SNX29: variants seen among roughly 807,000 people sequenced by gnomAD.
The protein encoded by SNX29 is sorting nexin 29.
In SNX29, 78 loss-of-function variants were observed where a neutral mutation model predicts 102.1. That is an observed-to-expected ratio of 0.76 (90% CI 0.64 to 0.92). SNX29 has a LOEUF of 0.92. Ranked by LOEUF, SNX29 falls within the 40% of genes least tolerant of loss-of-function variation. The probability of loss-of-function intolerance (pLI) is 0.00; values close to 1 mark genes in which losing one functional copy is unlikely to be tolerated. For missense variants in SNX29, 1,280 were observed against 1,061.7 expected (o/e 1.21, Z -2.86); for synonymous variants, 580 against 414.5 (o/e 1.40, Z -4.85).
chr16:12,125,254 G>A (rs974540135), intron 11 of SNX29, among the ~76,000 whole-genome samples: 1 of 152,078 alleles, frequency 6.6e-6, no homozygotes, highest in Non-Finnish European at 1.5e-5. Flanking sequence ...GCCAGCTCTC[G>A]GTCCCTTTCT....
intron 11 of SNX29, among the ~76,000 whole-genome samples, chr16:12,084,428 C>T (rs1273368618): frequency 6.6e-6 from 1 of 152,186 alleles, no homozygotes; most frequent in Non-Finnish European, 1.5e-5. Context: ...AATTATTTAG[C>T]AAAGCAGTAA....
intron 19 of SNX29, among the ~76,000 whole-genome samples, chr16:12,519,250 T>C (rs1227306530): frequency 6.6e-6 from 1 of 152,194 alleles, no homozygotes; most frequent in Non-Finnish European, 1.5e-5. Flanking sequence ...CGTGAACAGC[T>C]TGTGGTGAAA....
At chr16:12,074,487 T>C (rs2051449662) in intron 10 of SNX29, among the ~76,000 whole-genome samples, 1 of 152,222 alleles carries the variant, frequency 6.6e-6, no homozygotes, top group Non-Finnish European at 1.5e-5. Flanking sequence ...ATGTTGAATA[T>C]TGGCCCCCAC....
intron 19 of SNX29, among the ~76,000 whole-genome samples, chr16:12,480,278 T>C (rs1442277856): frequency 6.6e-6 from 1 of 152,216 alleles, no homozygotes; most frequent in East Asian, 1.9e-4. Context: ...CTCTTCCTTC[T>C]GGAGCCCCAG....
intron 19 of SNX29, among the ~76,000 whole-genome samples, chr16:12,482,692 C>T (rs563023150): frequency 4.3e-4 from 65 of 152,304 alleles, no homozygotes; most frequent in African/African-American, 1.5e-3. Context: ...AGACATTATT[C>T]AAGGAAATAG....
At chr16:12,357,591 T>C (rs895664333) in intron 16 of SNX29, among the ~76,000 whole-genome samples, 4 of 152,186 alleles carry the variant, frequency 2.6e-5, no homozygotes, top group African/African-American at 9.7e-5. Context: ...TACAGTTGAG[T>C]GGCATTAAGT....
In SNX29 at chr16:12,049,577, C is replaced by T. The variant is rs538009088; in HGVS notation, c.748+957C>T. On this transcript the variant is annotated intron_variant, in intron 7 of 20. Coordinates refer to ENST00000566228, the MANE Select transcript of SNX29 (RefSeq NM_032167.5). Reference sequence around the variant, plus strand: ...TGAACTCCTGACCTCAGGTGATCTGCCCGCCCTGGCCTCTCAAAGTGCTAG... The same window carrying T: ...TGAACTCCTGACCTCAGGTGATCTGTCCGCCCTGGCCTCTCAAAGTGCTAG... 5.9e-5 allele frequency among the ~76,000 whole-genome samples: 9 copies of T among 152,236 alleles called. No individual in the cohort carries two copies. The South Asian group carries it at 1.7e-3, about 28-fold the overall frequency.
At chr16:12,403,202 ATGTGTGTGTGTGTGTGTGTGTG>A (rs67193889) in intron 17 of SNX29, among the ~76,000 whole-genome samples, 38 of 70,946 alleles carry the variant, frequency 5.4e-4, no homozygotes, top group South Asian at 7.5e-4. Context: ...TTGTGTGTGT[ATGTGTGTGTGTGTGTGTGTGTG>A]TGTGTGTGTG....
At chr16:12,110,126 GC>G (rs2053443653) in intron 11 of SNX29, among the ~76,000 whole-genome samples, 1 of 152,210 alleles carries the variant, frequency 6.6e-6, no homozygotes, top group South Asian at 2.1e-4. Context: ...GTCACTGGAT[GC>G]TGAGCTTGCG....
Position 12,403,069 on chromosome 16 carries a change from G to T in SNX29, c.1956-379G>T, listed in dbSNP as rs550749300. On this transcript the variant is annotated intron_variant, in intron 17 of 20. Transcript: ENST00000566228. Reference sequence around the variant, plus strand: ...TTGCTGTGTGTGACCTCCTGTGATCGCGTCCTTGGGGCTTCCGGTTATTAT... The same window carrying T: ...TTGCTGTGTGTGACCTCCTGTGATCTCGTCCTTGGGGCTTCCGGTTATTAT... Among the ~76,000 whole-genome samples the T allele has an allele frequency of 6.0e-4, 91 of 152,256 alleles. No individual in the cohort carries two copies. In the South Asian group the frequency reaches 0.016, roughly 27 times the overall value.
intron 20 of SNX29, among the ~76,000 whole-genome samples, chr16:12,546,898 CA>C: frequency 6.6e-6 from 1 of 152,300 alleles, no homozygotes; most frequent in Non-Finnish European, 1.5e-5. Flanking sequence ...GCTAGGAGTG[CA>C]GCTGGAAGCC....
intron 18 of SNX29, among the ~76,000 whole-genome samples, chr16:12,444,731 AC>A (rs1235779334): frequency 6.6e-6 from 1 of 151,038 alleles, no homozygotes; most frequent in Non-Finnish European, 1.5e-5. Context: ...TGTAGGCCCC[AC>A]CCCATTTACA....
chr16:12,127,386 C>T (rs895907926), intron 12 of SNX29, among the ~76,000 whole-genome samples: 1 of 151,848 alleles, frequency 6.6e-6, no homozygotes, highest in Non-Finnish European at 1.5e-5. Flanking sequence ...GAAAGAAGTC[C>T]TATACCCTTT....
At chr16:12,187,226 C>T (rs1311174947) in intron 13 of SNX29, among the ~76,000 whole-genome samples, 2 of 152,218 alleles carry the variant, frequency 1.3e-5, no homozygotes, top group African/African-American at 2.4e-5. Context: ...CTTCATTCTT[C>T]TGTTACCTGC....
intron 17 of SNX29, among the ~76,000 whole-genome samples, chr16:12,399,753 C>T (rs2083866176): frequency 6.6e-6 from 1 of 151,932 alleles, no homozygotes; most frequent in Admixed American, 6.6e-5. Context: ...GGCTGTTAGG[C>T]TGATAGGGTG....
chr16:12,567,461 C>A (rs778696352), intron 20 of SNX29, among the ~76,000 whole-genome samples: 5 of 152,164 alleles, frequency 3.3e-5, no homozygotes, highest in Non-Finnish European at 7.3e-5. Context: ...TTATGTGTCC[C>A]CTTATCTAGC....
At chr16:12,322,548 T>C (rs1250370776) in intron 15 of SNX29, among the ~76,000 whole-genome samples, 1 of 152,178 alleles carries the variant, frequency 6.6e-6, no homozygotes, top group African/African-American at 2.4e-5. Flanking sequence ...AAAACAAAAA[T>C]CAGGAACTTA....
chr16:12,200,215 T>C (rs2076879372), intron 14 of SNX29, among the ~76,000 whole-genome samples: 1 of 152,204 alleles, frequency 6.6e-6, no homozygotes, highest in Non-Finnish European at 1.5e-5. Context: ...GAATAAATGC[T>C]GAATAAATTT....
intron 16 of SNX29, among the ~76,000 whole-genome samples, chr16:12,393,161 C>T (rs2083590813): frequency 6.6e-6 from 1 of 152,154 alleles, no homozygotes; most frequent in African/African-American, 2.4e-5. Context: ...ATGATTGGAA[C>T]AAAGGTTTGC....
Sources: allele counts gnomAD v4.1 joint callset (sites outside exome capture counted in the v4.1 genomes callset), GRCh38; gene constraint gnomAD v4.1.1; transcripts MANE v1.5; gene names NCBI Gene and HGNC (gene_info 2026-07-23, HGNC 2026-07-21).